Variants in CRACD observed in about 807,000 individuals in gnomAD.
CRACD encodes the protein capping protein-inhibiting regulator of actin dynamics.
A neutral mutation model predicts 106.8 loss-of-function variants in CRACD; 56 were observed. The observed-to-expected ratio is 0.52, with a 90% confidence interval of 0.42 to 0.66. CRACD has a LOEUF of 0.66. CRACD is among the 30% of genes least tolerant of loss of function. CRACD has a pLI of 0.00. For synonymous variants in CRACD, 754 were observed against 670.8 expected (o/e 1.12, Z -1.92); for missense variants, 1,730 against 1,623.2 (o/e 1.07, Z -1.13).
intron 8 of CRACD, among the ~76,000 whole-genome samples, chr4:56,321,488 C>A (rs1227868408): frequency 6.6e-6 from 1 of 152,184 alleles, no homozygotes; most frequent in Non-Finnish European, 1.5e-5. Flanking sequence ...CCTTCCCAAG[C>A]AAGTTCAGAT....
chr4:56,144,446 G>A (rs1418341981), intron 1 of CRACD, among the ~76,000 whole-genome samples: 2 of 152,090 alleles, frequency 1.3e-5, no homozygotes, highest in Non-Finnish European at 2.9e-5. Context: ...GGATGACAGC[G>A]GTGAGAACGA....
intron 2 of CRACD, among the ~76,000 whole-genome samples, chr4:56,205,068 A>C (rs1408648848): frequency 6.6e-6 from 1 of 152,138 alleles, no homozygotes; most frequent in Non-Finnish European, 1.5e-5. Flanking sequence ...AGGTGGGAAG[A>C]TTGCTTAAGC....
chr4:56,138,944 A>G (rs571122614), intron 1 of CRACD, among the ~76,000 whole-genome samples: 4 of 152,244 alleles, frequency 2.6e-5, no homozygotes, highest in Non-Finnish European at 5.9e-5. Context: ...TAGAGCCTCC[A>G]ATAAGTATAA....
intron 2 of CRACD, among the ~76,000 whole-genome samples, chr4:56,208,234 C>G (rs1738225321): frequency 6.6e-6 from 1 of 152,088 alleles, no homozygotes; most frequent in Non-Finnish European, 1.5e-5. Context: ...CATACAGTTC[C>G]TAGAGTCTGG....
rs7436017 is a variant in CRACD at position 56,171,688 on chromosome 4, A to G, written c.-335-7596A>G. On this transcript the variant is annotated intron_variant, in intron 1 of 10. Coordinates refer to ENST00000682029, the MANE Select transcript of CRACD (RefSeq NM_001393381.1). Reference sequence around the variant, plus strand: ...TGATAAATAATAATGAATAGTGGTAAGCTTACAGACTATCAACATTGTAGC... The same window carrying G: ...TGATAAATAATAATGAATAGTGGTAGGCTTACAGACTATCAACATTGTAGC... 2.0e-3 allele frequency among the ~76,000 whole-genome samples: 307 copies of G among 152,330 alleles called. 2 individuals carry two copies. Among genetic ancestry groups the G allele is most frequent in the African/African-American group, 7.2e-3 (299 of 41,586 alleles).
At chr4:56,295,009 C>G (rs749783330) in intron 3 of CRACD, among the ~76,000 whole-genome samples, 9 of 142,218 alleles carry the variant, frequency 6.3e-5, no homozygotes, top group Non-Finnish European at 9.3e-5. Context: ...ACTTAAACTA[C>G]TAGATATCAA....
chr4:56,179,969 A>G (rs546248743), intron 2 of CRACD, among the ~76,000 whole-genome samples: 1 of 151,896 alleles, frequency 6.6e-6, no homozygotes, highest in South Asian at 2.1e-4. Context: ...GTGAGCCAAG[A>G]TTGTGCCACT....
chr4:56,132,493 C>T (rs1477225168), intron 1 of CRACD, among the ~76,000 whole-genome samples: 1 of 152,096 alleles, frequency 6.6e-6, no homozygotes, highest in Non-Finnish European at 1.5e-5. Context: ...CAGGGGTGCA[C>T]CACCACATTT....
intron 2 of CRACD, among the ~76,000 whole-genome samples, chr4:56,215,134 C>A (rs1011775599): frequency 6.6e-6 from 1 of 152,170 alleles, no homozygotes; most frequent in Admixed American, 6.5e-5. Context: ...CTCAGCCTCC[C>A]AAGTAGCTAG....
chr4:56,164,941 A>G (rs1736087990), intron 1 of CRACD, among the ~76,000 whole-genome samples: 1 of 152,230 alleles, frequency 6.6e-6, no homozygotes, highest in African/African-American at 2.4e-5. Flanking sequence ...TTTCAAAGAC[A>G]GACCTAGTGA....
Position 56,107,473 on chromosome 4 carries a change from T to C in CRACD, c.-336+58174T>C, listed in dbSNP as rs575754148. On this transcript the variant is annotated intron_variant, in intron 1 of 10. Coordinates refer to ENST00000682029, the MANE Select transcript of CRACD (RefSeq NM_001393381.1). ...AGCTACTATTAATCCTTTTTTTTTC[T>C]CTCCTCTTGTTTCTAACCTGATACT... Among the ~76,000 whole-genome samples the C allele has an allele frequency of 3.7e-3, 558 of 152,242 alleles. 4 individuals are homozygous for C. The highest frequency in any genetic ancestry group is 0.013 in the African/African-American group (523 of 41,534).
At chr4:56,272,898 CAAAAA>C (rs11434095) in intron 3 of CRACD, among the ~76,000 whole-genome samples, 1 of 124,978 alleles carries the variant, frequency 8.0e-6, no homozygotes. Flanking sequence ...GACTCTGCCT[CAAAAA>C]AAAAAAAAAA....
chr4:56,243,325 A>T (rs1046863281), intron 2 of CRACD, among the ~76,000 whole-genome samples: 1 of 152,216 alleles, frequency 6.6e-6, no homozygotes, highest in African/African-American at 2.4e-5. Context: ...TCAACCAAAG[A>T]TCAAGGCCTT....
intron 1 of CRACD, among the ~76,000 whole-genome samples, chr4:56,055,321 A>C (rs542545891): frequency 6.6e-6 from 1 of 152,112 alleles, no homozygotes; most frequent in East Asian, 1.9e-4. Flanking sequence ...AGCCGGATTC[A>C]AGGAATAATC....
intron 2 of CRACD, among the ~76,000 whole-genome samples, chr4:56,214,830 G>T (rs1010344112): frequency 6.6e-6 from 1 of 151,474 alleles, no homozygotes; most frequent in African/African-American, 2.4e-5. Flanking sequence ...GGCCAACATA[G>T]TGAAACTCCG....
intron 2 of CRACD, among the ~76,000 whole-genome samples, chr4:56,235,935 T>C (rs1739939030): frequency 6.6e-6 from 1 of 152,206 alleles, no homozygotes; most frequent in Non-Finnish European, 1.5e-5. Flanking sequence ...GGGTGTGCCC[T>C]GCCCACCATC....
intron 2 of CRACD, among the ~76,000 whole-genome samples, chr4:56,247,761 A>G (rs1740767341): frequency 6.6e-6 from 1 of 152,018 alleles, no homozygotes; most frequent in African/African-American, 2.4e-5. Flanking sequence ...CAGGAGAATC[A>G]CATGAATCCA....
rs752102687 is a variant in CRACD, at chr4:56,315,431, C to T, written c.1929C>T (p.Gly643=). ...GGGAGAACCCTCCCCGAGGCCCCGGCGACGCGAGGGCGGGCAGCGGGAAGG... is the reference window on the plus strand; with the variant it reads ...GGGAGAACCCTCCCCGAGGCCCCGGTGACGCGAGGGCGGGCAGCGGGAAGG... The part of the protein sequence containing the change: ...PAGENPPRGP[G]DARAGSGKAK... The change falls in exon 8 of 11, where the codon GGC becomes GGT. Residue 643 remains glycine, a synonymous_variant. Transcript: ENST00000682029. The surrounding 1 kb of genome is among the most constrained non-coding windows in gnomAD (Gnocchi z 4.1). The T allele has an allele frequency of 6.2e-7, 1 of 1,612,674 alleles. No individual in the cohort carries two copies. Among genetic ancestry groups the T allele is most frequent in the South Asian group, 1.1e-5 (1 of 91,064 alleles).
chr4:56,089,509 ATTTTTTT>A (rs761380094), intron 1 of CRACD, among the ~76,000 whole-genome samples: 3 of 124,316 alleles, frequency 2.4e-5, no homozygotes, highest in South Asian at 5.2e-4. Context: ...GTATTATAGG[ATTTTTTT>A]TTTTTTTTTT....
Sources: gnomAD v4.1 joint callset for allele counts (sites outside exome capture counted in the v4.1 genomes callset) on GRCh38, gnomAD v4.1.1 for gene constraint, Gnocchi (gnomAD v3.1) non-coding constraint, MANE v1.5 for transcripts, NCBI Gene and HGNC (gene_info 2026-07-23, HGNC 2026-07-21) for gene names.